Variants in TENM3 observed in about 807,000 individuals in gnomAD.
The protein encoded by TENM3 is teneurin transmembrane protein 3.
TENM3 carries 63 observed loss-of-function variants against 255.1 expected under a neutral mutation model. That is an observed-to-expected ratio of 0.25 (90% confidence interval 0.20 to 0.30). The LOEUF (loss-of-function observed/expected upper bound fraction) is 0.30, where lower values mean the gene tolerates loss of function less well. TENM3 is among the 10% of genes least tolerant of loss of function. The pLI is 1.00. For synonymous variants in TENM3, 1,306 were observed against 1,322.3 expected, an observed-to-expected ratio of 0.99 and a Z score of 0.27; for missense variants, 2,929 against 3,461.1, an observed-to-expected ratio of 0.85 and a Z score of 3.86.
At chr4:182,088,068 A>G in the TENM3 span, among the ~76,000 whole-genome samples, 1 of 152,236 alleles carries the variant, frequency 6.6e-6, no homozygotes, top group African/African-American at 2.4e-5. Context: ...CCTTCTTATC[A>G]CCTCCTAGTA....
At chr4:182,548,296 T>A (rs184606556) in intron 3 of TENM3, among the ~76,000 whole-genome samples, 1 of 152,216 alleles carries the variant, frequency 6.6e-6, no homozygotes, top group Admixed American at 6.5e-5. Flanking sequence ...TGTTTAGAAT[T>A]TTTGCAATCC....
At chr4:182,262,443 G>C (rs926783855) in intron 1 of TENM3, among the ~76,000 whole-genome samples, 1 of 152,104 alleles carries the variant, frequency 6.6e-6, no homozygotes, top group Admixed American at 6.5e-5. Context: ...GATAAAACAG[G>C]TTGCAGTAAG....
At chr4:181,509,722 C>T in the TENM3 span, among the ~76,000 whole-genome samples, 4 of 152,092 alleles carry the variant, frequency 2.6e-5, no homozygotes, top group Admixed American at 6.6e-5. Flanking sequence ...AAGGAATTTA[C>T]GGAGGTGCTA....
At chr4:182,600,778 A>G (rs1296178070) in intron 3 of TENM3, 146 bp from the exon 4 acceptor site, 9 of 451,522 alleles carry the variant, frequency 2.0e-5, no homozygotes, top group Non-Finnish European at 3.4e-5. Context: ...ATAGAATAAT[A>G]TGCAAATTTA....
At chr4:182,247,063 C>T (rs557938788) in intron 1 of TENM3, among the ~76,000 whole-genome samples, 1 of 152,154 alleles carries the variant, frequency 6.6e-6, no homozygotes, top group African/African-American at 2.4e-5. Context: ...TGTAAAGATG[C>T]GAAGAACACC....
chr4:182,143,929 G>A (rs2149542841), upstream of TENM3: 1 of 152,820 alleles, frequency 6.5e-6, no homozygotes, highest in African/African-American at 2.4e-5. This position sits in a 1 kb window ranked among gnomAD's most constrained non-coding sequence, Gnocchi z 4.3. Flanking sequence ...GCGGCCGGGA[G>A]GAGGGAAGGA....
At chr4:181,561,917 G>A in the TENM3 span, among the ~76,000 whole-genome samples, 1 of 152,124 alleles carries the variant, frequency 6.6e-6, no homozygotes, top group South Asian at 2.1e-4. Context: ...TCGCAGGATG[G>A]GAGAATATAC....
the TENM3 span, among the ~76,000 whole-genome samples, chr4:181,741,881 C>T: frequency 1.2e-3 from 188 of 152,278 alleles, no homozygotes; most frequent in African/African-American, 4.1e-3. Flanking sequence ...TTAGTTGATA[C>T]GTGAATGAAC....
chr4:181,571,419 C>G, the TENM3 span, among the ~76,000 whole-genome samples: 1 of 152,142 alleles, frequency 6.6e-6, no homozygotes, highest in South Asian at 2.1e-4. Flanking sequence ...TCACTATAAC[C>G]TTGAACTCCT....
chr4:182,791,119 G>A (rs568966088), intron 25 of TENM3, among the ~76,000 whole-genome samples: 2 of 152,338 alleles, frequency 1.3e-5, no homozygotes, highest in East Asian at 1.9e-4. Context: ...AGGTATTCAT[G>A]TGAATTCGGC....
chr4:181,910,587 T>C, the TENM3 span, among the ~76,000 whole-genome samples: 52,768 of 124,118 alleles, frequency 0.43, 10,324 homozygotes, highest in Middle Eastern at 0.55. Context: ...TACATATGTA[T>C]TTGTATATAT....
At chr4:181,847,461 T>C in the TENM3 span, among the ~76,000 whole-genome samples, 1 of 152,166 alleles carries the variant, frequency 6.6e-6, no homozygotes, top group South Asian at 2.1e-4. Context: ...ATGGGCTTTC[T>C]ATGACCCATA....
the TENM3 span, among the ~76,000 whole-genome samples, chr4:181,670,784 T>C: frequency 6.6e-6 from 1 of 152,206 alleles, no homozygotes; most frequent in African/African-American, 2.4e-5. Flanking sequence ...CATTTATGAC[T>C]CAGCTGCCCT....
intron 1 of TENM3, among the ~76,000 whole-genome samples, chr4:182,146,809 G>A (rs1476449469): frequency 6.6e-6 from 1 of 152,078 alleles, no homozygotes; most frequent in East Asian, 1.9e-4. Flanking sequence ...CTTGATTATT[G>A]GGAATAAAGC....
chr4:182,764,227 TCAAG>T (rs1763471429), intron 22 of TENM3, among the ~76,000 whole-genome samples: 1 of 152,250 alleles, frequency 6.6e-6, no homozygotes, highest in Non-Finnish European at 1.5e-5. Flanking sequence ...TTTTTGATCA[TCAAG>T]CATTTCCTGT....
chr4:182,502,518 A>G (rs1736416240), intron 3 of TENM3, among the ~76,000 whole-genome samples: 1 of 151,766 alleles, frequency 6.6e-6, no homozygotes, highest in Admixed American at 6.6e-5. Context: ...TCAAGTTTTC[A>G]TTGTACATTC....
the TENM3 span, among the ~76,000 whole-genome samples, chr4:181,792,490 G>A: frequency 1.3e-5 from 2 of 152,070 alleles, no homozygotes; most frequent in Non-Finnish European, 2.9e-5. Flanking sequence ...TATTAAACTA[G>A]GTCCTGTCAA....
the TENM3 span, among the ~76,000 whole-genome samples, chr4:182,094,267 A>G: frequency 6.6e-6 from 1 of 150,656 alleles, no homozygotes; most frequent in Non-Finnish European, 1.5e-5. Flanking sequence ...TTTTTTTGAG[A>G]CGGAGTTTTG....
chr4:182,107,857 C>G, the TENM3 span, among the ~76,000 whole-genome samples: 1 of 152,126 alleles, frequency 6.6e-6, no homozygotes, highest in Non-Finnish European at 1.5e-5. Context: ...AATAGTTTCA[C>G]AGCCCTTGGA....
Sources: gnomAD v4.1 joint callset for allele counts (sites outside exome capture counted in the v4.1 genomes callset) on GRCh38, gnomAD v4.1.1 for gene constraint, Gnocchi (gnomAD v3.1) non-coding constraint, MANE v1.5 for transcripts, NCBI Gene and HGNC (gene_info 2026-07-23, HGNC 2026-07-21) for gene names.